Variants in PRKCZ observed in about 807,000 individuals in gnomAD.
PRKCZ encodes protein kinase C zeta.
In PRKCZ, 33 loss-of-function variants were observed where a neutral mutation model predicts 79.5. The observed-to-expected ratio is 0.41, with a 90% CI of 0.31 to 0.55. The LOEUF (loss-of-function observed/expected upper bound fraction) is 0.55. Among genes scored for constraint, PRKCZ ranks in the 20% least tolerant of loss-of-function variants. The pLI is 0.19. For missense variants in PRKCZ, 578 were observed against 813.5 expected (o/e 0.71, Z 3.52); for synonymous variants, 342 against 320.9 (o/e 1.07, Z -0.70).
At chr1:2,087,165 C>T (rs1354448076) in intron 4 of PRKCZ, among the ~76,000 whole-genome samples, 1 of 152,086 alleles carries the variant, frequency 6.6e-6, no homozygotes, top group Non-Finnish European at 1.5e-5. Flanking sequence ...TCACTGTAAC[C>T]ACTGCCTCCC....
chr1:2,171,682 C>T lies in PRKCZ; in HGVS notation c.1062-373C>T, dbSNP rs542929457. 1.8e-4 allele frequency: 34 copies of T among 184,498 alleles called. 1 individual carries two copies. In the South Asian group the frequency reaches 2.9e-3, roughly 16 times the overall value. 11.4% of individuals were successfully genotyped at this position (184,498 alleles called of 1,614,324 possible). The stretch of plus-strand genomic sequence containing the variant: ...CAAGCCTGGCACCGTGTTTAATTTT[C>T]GAGGACCTGCCGGACTGTCTTCCGC... On this transcript the variant is annotated intron_variant, in intron 11 of 17. Coordinates refer to ENST00000378567, the MANE Select transcript of PRKCZ (RefSeq NM_002744.6).
chr1:2,152,481 G>T, intron 9 of PRKCZ, among the ~76,000 whole-genome samples: 1 of 152,296 alleles, frequency 6.6e-6, no homozygotes, highest in Middle Eastern at 3.4e-3. Flanking sequence ...GCAGTGAGCC[G>T]AGATCACGCT....
chr1:2,121,203 CCTTAACT>C (rs1469445121), intron 4 of PRKCZ, among the ~76,000 whole-genome samples: 2 of 152,208 alleles, frequency 1.3e-5, no homozygotes, highest in East Asian at 3.8e-4. Context: ...GCCCCAGAAC[CCTTAACT>C]CCTCCCAGTG....
rs1386842322 is a variant in PRKCZ at position 2,174,188 on chromosome 1, G to A, written c.1405+172G>A. 3.9e-5 allele frequency among the ~76,000 whole-genome samples: 6 copies of A among 152,176 alleles called. No individual in the cohort carries two copies. The highest frequency in any genetic ancestry group is 5.9e-5 in the Non-Finnish European group (4 of 68,024). ...TGTGTCACATGCCACTCCCCGGGCCGTGGGGTGGGGTTACCACACCTGTGG... is the reference window on the plus strand; with the variant it reads ...TGTGTCACATGCCACTCCCCGGGCCATGGGGTGGGGTTACCACACCTGTGG... On this transcript the variant is annotated intron_variant, in intron 14 of 17. Coordinates refer to ENST00000378567, the MANE Select transcript of PRKCZ (RefSeq NM_002744.6). This position sits in a 1 kb window ranked among gnomAD's most constrained non-coding sequence, Gnocchi z 6.2.
intron 7 of PRKCZ, among the ~76,000 whole-genome samples, 195 bp downstream of exon 7, chr1:2,146,303 A>G (rs1424188731): frequency 6.6e-6 from 1 of 152,220 alleles, no homozygotes; most frequent in Non-Finnish European, 1.5e-5. Flanking sequence ...AGAGATGAGC[A>G]GGGTGAGCTG....
chr1:2,172,087 A>G lies in PRKCZ; in HGVS notation c.1094A>G (p.Asn365Ser). The G allele has an allele frequency of 1.2e-6, 2 of 1,613,046 alleles. No individual in the cohort carries two copies. Among genetic ancestry groups the G allele is most frequent in the Non-Finnish European group, 1.7e-6 (2 of 1,179,730 alleles). Residue 365 changes from asparagine (N) to serine (S), a missense_variant, in exon 12 of 18, where the codon AAC (asparagine) becomes AGC (serine). Physicochemically the swap from Asn to Ser is conservative, Grantham distance 46. This residue lies in a region of PRKCZ where 243 missense variants were observed against 467.0 expected (regional missense o/e 0.52). Coordinates refer to ENST00000378567, the MANE Select transcript of PRKCZ (RefSeq NM_002744.6). This position sits in a 1 kb window ranked among gnomAD's most constrained non-coding sequence, Gnocchi z 7.8. ...FYAAEICIAL[N>S]FLHERGIIYR... ...GCGGCCGAGATCTGCATCGCCCTCA[A>G]CTTCCTGCACGAGAGGGGGATCATC...
intron 5 of PRKCZ, among the ~76,000 whole-genome samples, chr1:2,136,318 G>T (rs140571536): frequency 6.6e-6 from 1 of 152,310 alleles, no homozygotes; most frequent in African/African-American, 2.4e-5. Context: ...TCCTCTTGGG[G>T]CTAACACAGG....
At chr1:2,101,813 A>C (rs1667484012) in intron 4 of PRKCZ, among the ~76,000 whole-genome samples, 1 of 152,224 alleles carries the variant, frequency 6.6e-6, no homozygotes, top group South Asian at 2.1e-4. Context: ...GGCGTAGTGG[A>C]TGCGTGATCG....
chr1:2,174,621 G>T lies in PRKCZ; in HGVS notation c.1406-133G>T. ...GGACTCCGGGTTATAGATATTGCTGGGCTGTAGGAAGGGAGGGGCTCCGGG... is the reference window on the plus strand; with the variant it reads ...GGACTCCGGGTTATAGATATTGCTGTGCTGTAGGAAGGGAGGGGCTCCGGG... On this transcript the variant is annotated intron_variant, in intron 14 of 17. Coordinates refer to ENST00000378567, the MANE Select transcript of PRKCZ (RefSeq NM_002744.6). This position sits in a 1 kb window ranked among gnomAD's most constrained non-coding sequence, Gnocchi z 6.2. The T allele has an allele frequency of 1.2e-6, 1 of 809,142 alleles. No individual in the cohort carries two copies. The highest frequency in any genetic ancestry group is 2.0e-6 in the Non-Finnish European group (1 of 497,256). The allele number at this position is 809,142 out of a possible 1,614,324, so 50.1% of individuals were successfully genotyped here. A position where few individuals can be genotyped will look rare whatever the true frequency, so the allele number is the denominator to read the frequency against.
chr1:2,163,597 A>G (rs913163851), intron 10 of PRKCZ, among the ~76,000 whole-genome samples: 13 of 152,052 alleles, frequency 8.5e-5, no homozygotes, highest in African/African-American at 3.1e-4. Context: ...TGCTATCAAG[A>G]AAAAACACTG....
At chr1:2,144,793 C>A in intron 6 of PRKCZ, 1 of 263,788 alleles carries the variant, frequency 3.8e-6, no homozygotes, top group Non-Finnish European at 6.0e-6. Flanking sequence ...ACCTTCCCTC[C>A]GCCATCCCCG....
chr1:2,071,450 T>C (rs1266696216), intron 4 of PRKCZ: 12 of 296,138 alleles, frequency 4.1e-5, no homozygotes, highest in Non-Finnish European at 7.6e-5. Context: ...GTGGGCGGGT[T>C]ACCACGGAAG....
At chr1:2,079,729 G>A (rs1663124290) in intron 4 of PRKCZ, among the ~76,000 whole-genome samples, 1 of 152,134 alleles carries the variant, frequency 6.6e-6, no homozygotes, top group Non-Finnish European at 1.5e-5. Flanking sequence ...GTTTTCTTTG[G>A]CCTCGTACTC....
intron 16 of PRKCZ, chr1:2,184,351 G>A: frequency 2.1e-6 from 1 of 474,940 alleles, no homozygotes; most frequent in Non-Finnish European, 3.8e-6. Flanking sequence ...CGTCCCACAT[G>A]TGGCCAGCAT....
intron 4 of PRKCZ, chr1:2,074,624 C>T (rs114281089): frequency 0.012 from 5,041 of 425,254 alleles, 203 homozygotes; most frequent in African/African-American, 0.094. Context: ...CCTGTCTGAG[C>T]CCCCGTTTTG....
Position 2,172,345 on chromosome 1 carries a change from C to T in PRKCZ, c.1242C>T (p.Thr414=). ...ACACAACGAGCACTTTCTGCGGAAC[C>T]CCGAATTACATCGCCCCCGAAATCC... The part of the protein sequence containing the change: ...PGDTTSTFCG[T]PNYIAPEILR... The change falls in exon 13 of 18, where the codon ACC becomes ACT. Residue 414 remains threonine, a synonymous_variant. Coordinates refer to ENST00000378567, the MANE Select transcript of PRKCZ (RefSeq NM_002744.6). The surrounding 1 kb of genome is among the most constrained non-coding windows in gnomAD (Gnocchi z 7.8). 1.2e-6 allele frequency: 2 copies of T among 1,613,552 alleles called. No individual in the cohort carries two copies. Among genetic ancestry groups the T allele is most frequent in the East Asian group, 2.2e-5 (1 of 44,876 alleles).
chr1:2,071,175 C>T (rs535351709), intron 4 of PRKCZ: 41 of 247,470 alleles, frequency 1.7e-4, no homozygotes, highest in Admixed American at 8.8e-4. Flanking sequence ...TGGGGCTCCC[C>T]GTGCCCCGTG....
At chr1:2,108,813 G>A (rs936450056) in intron 4 of PRKCZ, among the ~76,000 whole-genome samples, 1 of 152,224 alleles carries the variant, frequency 6.6e-6, no homozygotes, top group African/African-American at 2.4e-5. Flanking sequence ...GGGGCTTAAA[G>A]CAACACGCAT....
chr1:2,141,345 CTT>C (rs144339432), intron 5 of PRKCZ: 75,622 of 122,788 alleles, frequency 0.62, 22,538 homozygotes, highest in African/African-American at 0.79. Context: ...TTTTCTTTTT[CTT>C]TTTTTTTTTT....
Sources: allele counts gnomAD v4.1 joint callset (sites outside exome capture counted in the v4.1 genomes callset), GRCh38; gene constraint gnomAD v4.1.1; regional missense constraint gnomAD v4.1.1; non-coding constraint Gnocchi (gnomAD v3.1); transcripts MANE v1.5; gene names NCBI Gene and HGNC (gene_info 2026-07-23, HGNC 2026-07-21).